The following RABGAP1L variants were observed in gnomAD, a reference collection of about 807,000 sequenced individuals.
The protein encoded by RABGAP1L is RAB GTPase activating protein 1 like.
RABGAP1L carries 63 observed loss-of-function variants against 137.7 expected under a neutral mutation model. The observed-to-expected ratio is 0.46, with a 90% CI of 0.37 to 0.56. The LOEUF (loss-of-function observed/expected upper bound fraction) is 0.56. RABGAP1L is among the 20% of genes least tolerant of loss of function. The probability of loss-of-function intolerance (pLI) is 0.00; values close to 1 mark genes in which losing one functional copy is unlikely to be tolerated. For synonymous variants in RABGAP1L, 431 were observed against 433.7 expected, an observed-to-expected ratio of 0.99 and a Z score of 0.08; for missense variants, 1,095 against 1,244.0, an observed-to-expected ratio of 0.88 and a Z score of 1.80.
At chr1:174,910,065 G>T (rs1045560919) in intron 19 of RABGAP1L, among the ~76,000 whole-genome samples, 2 of 152,144 alleles carry the variant, frequency 1.3e-5, no homozygotes, top group African/African-American at 4.8e-5. Context: ...CGTAAACCTG[G>T]GATGCGGAGC....
chr1:174,533,825 C>T (rs1664648415), intron 13 of RABGAP1L, among the ~76,000 whole-genome samples: 1 of 152,040 alleles, frequency 6.6e-6, no homozygotes, highest in South Asian at 2.1e-4. Context: ...TGCCCGCCAC[C>T]ACACCCAGCA....
intron 7 of RABGAP1L, 23 bp from the exon 8 acceptor site, chr1:174,272,391 T>C: frequency 6.3e-7 from 1 of 1,590,258 alleles, no homozygotes; most frequent in Non-Finnish European, 8.6e-7. Flanking sequence ...TTATTTCTCC[T>C]TTTTTTCCCC....
chr1:174,884,518 T>C (rs750385145), intron 19 of RABGAP1L, among the ~76,000 whole-genome samples: 54 of 152,240 alleles, frequency 3.5e-4, no homozygotes, highest in Non-Finnish European at 7.2e-4. Context: ...CATTGTTACA[T>C]AGCAAGTGCA....
At chr1:174,398,345 C>T (rs533179726) in intron 13 of RABGAP1L, among the ~76,000 whole-genome samples, 5 of 152,222 alleles carry the variant, frequency 3.3e-5, no homozygotes, top group Admixed American at 2.6e-4. Flanking sequence ...GGGGCTGTTG[C>T]GTGGCTCAAA....
chr1:174,171,088 C>T (rs916162615), intron 1 of RABGAP1L, among the ~76,000 whole-genome samples: 1 of 152,118 alleles, frequency 6.6e-6, no homozygotes. Context: ...AAAAGTGGAT[C>T]AGATGATCTC....
intron 13 of RABGAP1L, among the ~76,000 whole-genome samples, chr1:174,512,332 G>A (rs1662425802): frequency 6.6e-6 from 1 of 152,136 alleles, no homozygotes; most frequent in Admixed American, 6.5e-5. Context: ...CACTATTATA[G>A]CCCCTACTCT....
At chr1:174,249,747 A>G (rs1237026752) in intron 5 of RABGAP1L, among the ~76,000 whole-genome samples, 3 of 151,894 alleles carry the variant, frequency 2.0e-5, no homozygotes, top group Non-Finnish European at 4.4e-5. Context: ...GGTTCAAGCA[A>G]TTCTCCTGCT....
rs1228610229 is a variant in RABGAP1L at position 174,960,946 on chromosome 1, T to A, written c.2433+3397T>A. 2.6e-5 allele frequency among the ~76,000 whole-genome samples: 4 copies of A among 152,238 alleles called. No individual in the cohort carries two copies. In the East Asian group the frequency reaches 7.7e-4, roughly 29 times the overall value. Reference sequence around the variant, plus strand: ...AGGTAATACACACACATATATGCACTGCCTGTGCTACCTGGTCTTGGCATC... The same window carrying A: ...AGGTAATACACACACATATATGCACAGCCTGTGCTACCTGGTCTTGGCATC... On this transcript the variant is annotated intron_variant, in intron 20 of 25. Transcript: ENST00000681986.
At chr1:174,599,791 T>G (rs56864802) in intron 13 of RABGAP1L, among the ~76,000 whole-genome samples, 12,042 of 152,222 alleles carry the variant, frequency 0.079, 652 homozygotes, top group East Asian at 0.32. Flanking sequence ...GATTATTGAA[T>G]GCCCTGAGGT....
intron 19 of RABGAP1L, among the ~76,000 whole-genome samples, chr1:174,917,572 G>A (rs1020617854): frequency 6.6e-6 from 1 of 152,130 alleles, no homozygotes; most frequent in Non-Finnish European, 1.5e-5. Flanking sequence ...CACAATCACT[G>A]CAGATCTAAG....
Position 174,292,021 on chromosome 1 carries a change from TA to T in RABGAP1L, c.1324-12964del, listed in dbSNP as rs1263276965. 5.3e-5 allele frequency among the ~76,000 whole-genome samples: 5 copies of T among 94,442 alleles called. No individual in the cohort carries two copies. The South Asian group carries it at 1.4e-3, about 26-fold the overall frequency. 62.0% of individuals were successfully genotyped at this position (94,442 alleles called of 152,430 possible). A position where few individuals can be genotyped will look rare whatever the true frequency, so the allele number is the denominator to read the frequency against. On this transcript the variant is annotated intron_variant, in intron 10 of 25. Coordinates refer to ENST00000681986, the MANE Select transcript of RABGAP1L (RefSeq NM_001366446.1). ...GGCTTCATGTGAAGATTAGATCATT[TA>T]TTATTATTATTATTATTATTATTAT...
intron 19 of RABGAP1L, among the ~76,000 whole-genome samples, chr1:174,944,459 C>T (rs1666418075): frequency 6.6e-6 from 1 of 151,660 alleles, no homozygotes; most frequent in Admixed American, 6.6e-5. Flanking sequence ...GCTGGGGCAA[C>T]ACAGTGAAAC....
At chr1:174,275,306 A>G (rs968743706) in intron 8 of RABGAP1L, 1 of 152,204 alleles carries the variant, frequency 6.6e-6, no homozygotes, top group Non-Finnish European at 1.5e-5. Flanking sequence ...TCTGACATAT[A>G]GAAAATAGAC....
chr1:174,863,217 C>T (rs1195896610), intron 19 of RABGAP1L, among the ~76,000 whole-genome samples: 3 of 56,012 alleles, frequency 5.4e-5, no homozygotes, highest in Admixed American at 2.9e-4. Flanking sequence ...TTAATTTGTA[C>T]ATGAGTTGTT....
At chr1:174,186,920 T>G (rs372819637) in intron 1 of RABGAP1L, among the ~76,000 whole-genome samples, 12 of 152,210 alleles carry the variant, frequency 7.9e-5, no homozygotes, top group African/African-American at 2.9e-4. Context: ...GATTTTTCAA[T>G]GTACTTAAAA....
intron 10 of RABGAP1L, among the ~76,000 whole-genome samples, chr1:174,279,651 AT>A (rs1481345081): frequency 6.6e-6 from 1 of 152,116 alleles, no homozygotes; most frequent in Non-Finnish European, 1.5e-5. Context: ...TTTTAAAAAA[AT>A]CTTTCATAAA....
At chr1:174,778,046 A>G (rs1473502942) in intron 18 of RABGAP1L, among the ~76,000 whole-genome samples, 1 of 152,188 alleles carries the variant, frequency 6.6e-6, no homozygotes, top group Admixed American at 6.5e-5. Flanking sequence ...GATGAAAATT[A>G]TAGACCCAAG....
intron 13 of RABGAP1L, among the ~76,000 whole-genome samples, chr1:174,600,640 C>T (rs534580607): frequency 6.6e-6 from 1 of 152,316 alleles, no homozygotes; most frequent in African/African-American, 2.4e-5. Flanking sequence ...AAAATGATCT[C>T]CTTTGACTCC....
At chr1:174,516,120 T>TATAC (rs763907969) in intron 13 of RABGAP1L, among the ~76,000 whole-genome samples, 154 of 133,298 alleles carry the variant, frequency 1.2e-3, no homozygotes, top group African/African-American at 4.5e-3. Flanking sequence ...ACTGAAGCTC[T>TATAC]ACACACACAC....
Sources: allele counts gnomAD v4.1 joint callset (sites outside exome capture counted in the v4.1 genomes callset), GRCh38; gene constraint gnomAD v4.1.1; transcripts MANE v1.5; gene names NCBI Gene and HGNC (gene_info 2026-07-23, HGNC 2026-07-21).